Variants in BABAM2 observed in about 807,000 individuals in gnomAD.
BABAM2 encodes BRISC and BRCA1 A complex member 2.
A neutral mutation model predicts 54.7 loss-of-function variants in BABAM2; 31 were observed. The ratio of observed to expected loss-of-function variants is 0.57; its 90% CI spans 0.43 to 0.77. The LOEUF (loss-of-function observed/expected upper bound fraction) is 0.77, where lower values mean the gene tolerates loss of function less well. Ranked by LOEUF, BABAM2 falls within the 30% of genes least tolerant of loss-of-function variation. BABAM2 has a pLI of 0.00. For missense variants in BABAM2, 364 were observed against 455.8 expected (o/e 0.80, Z 1.83); for synonymous variants, 167 against 162.9 (o/e 1.03, Z -0.19).
intron 2 of BABAM2, among the ~76,000 whole-genome samples, chr2:27,917,052 T>C (rs1667026635): frequency 7.0e-6 from 1 of 143,356 alleles, no homozygotes; most frequent in Non-Finnish European, 1.5e-5. Context: ...AGAGGCTTGC[T>C]CTGTTGCCAG....
At chr2:28,035,269 G>C (rs778956600) in intron 5 of BABAM2, among the ~76,000 whole-genome samples, 1 of 152,052 alleles carries the variant, frequency 6.6e-6, no homozygotes, top group African/African-American at 2.4e-5. Flanking sequence ...GACAGCACTG[G>C]TCTAGCGTGA....
intron 7 of BABAM2, among the ~76,000 whole-genome samples, chr2:28,197,726 C>G (rs1043046518): frequency 6.6e-6 from 1 of 152,120 alleles, no homozygotes; most frequent in Non-Finnish European, 1.5e-5. Flanking sequence ...TCTGTTTCTC[C>G]CAGTATGTAT....
At chr2:28,081,406 G>C (rs1236996929) in intron 6 of BABAM2, among the ~76,000 whole-genome samples, 2 of 152,192 alleles carry the variant, frequency 1.3e-5, no homozygotes, top group Non-Finnish European at 2.9e-5. Context: ...GTAAGACCAG[G>C]CAAGGTCCAC....
chr2:28,221,836 G>A (rs758955011), intron 7 of BABAM2, among the ~76,000 whole-genome samples: 5 of 152,140 alleles, frequency 3.3e-5, no homozygotes, highest in Non-Finnish European at 5.9e-5. Flanking sequence ...GAGTTGGGTT[G>A]GTGTGTTTGT....
At chr2:28,256,594 G>A (rs1025987623) in intron 10 of BABAM2, among the ~76,000 whole-genome samples, 1 of 152,006 alleles carries the variant, frequency 6.6e-6, no homozygotes, top group Non-Finnish European at 1.5e-5. Flanking sequence ...CTGAGTACCT[G>A]GCCCAAGGTC....
At chr2:28,174,451 C>G (rs1218402820) in intron 7 of BABAM2, among the ~76,000 whole-genome samples, 2 of 152,220 alleles carry the variant, frequency 1.3e-5, no homozygotes, top group African/African-American at 4.8e-5. Flanking sequence ...GATAATCACA[C>G]TTTGAATAGA....
rs1290410601 is a variant in BABAM2 at position 27,903,825 on chromosome 2, T to C, written c.128+9141T>C. Among the ~76,000 whole-genome samples the C allele has an allele frequency of 5.9e-5, 9 of 152,376 alleles. No individual in the cohort carries two copies. In the East Asian group the frequency reaches 1.5e-3, roughly 26 times the overall value. ...CACAATTTCATGGATAGAAGATTTG[T>C]TCTTATGTTAGGTCTTAGCAACATC... On this transcript the variant is annotated intron_variant, in intron 2 of 11. Transcript: ENST00000379624.
At chr2:28,210,726 G>A (rs1318939167) in intron 7 of BABAM2, among the ~76,000 whole-genome samples, 1 of 152,202 alleles carries the variant, frequency 6.6e-6, no homozygotes, top group Non-Finnish European at 1.5e-5. Context: ...TCCTGGATTA[G>A]GTGTTCCATG....
chr2:28,079,830 C>T (rs556434368), intron 6 of BABAM2, among the ~76,000 whole-genome samples: 5 of 152,114 alleles, frequency 3.3e-5, no homozygotes, highest in African/African-American at 1.2e-4. Flanking sequence ...TTAGGGTTTA[C>T]GTTTTCACAT....
chr2:28,152,213 A>G (rs1672121129), intron 7 of BABAM2, among the ~76,000 whole-genome samples: 1 of 152,166 alleles, frequency 6.6e-6, no homozygotes, highest in South Asian at 2.1e-4. Context: ...ACAATTGAGA[A>G]TGAAGAGCCA....
intron 6 of BABAM2, among the ~76,000 whole-genome samples, chr2:28,046,682 A>G (rs1398673297): frequency 1.3e-5 from 2 of 152,148 alleles, no homozygotes; most frequent in Non-Finnish European, 2.9e-5. Context: ...CTAATCAATA[A>G]ATAATATTAG....
At chr2:28,169,980 A>C (rs1379940310) in intron 7 of BABAM2, among the ~76,000 whole-genome samples, 1 of 152,124 alleles carries the variant, frequency 6.6e-6, no homozygotes, top group Non-Finnish European at 1.5e-5. Flanking sequence ...CTTTCAAAAA[A>C]CATTTATTTG....
At chr2:28,134,042 C>A (rs1670319713) in intron 7 of BABAM2, among the ~76,000 whole-genome samples, 1 of 152,068 alleles carries the variant, frequency 6.6e-6, no homozygotes, top group Non-Finnish European at 1.5e-5. Context: ...AGAGTAAATG[C>A]TTCTGAGAAG....
chr2:27,977,029 A>G (rs1256542042), intron 3 of BABAM2, among the ~76,000 whole-genome samples: 1 of 152,184 alleles, frequency 6.6e-6, no homozygotes, highest in Non-Finnish European at 1.5e-5. Context: ...TCTCAGATGT[A>G]GTAATTCCTT....
At chr2:28,271,902 C>T (rs764247183) in intron 10 of BABAM2, among the ~76,000 whole-genome samples, 2 of 152,152 alleles carry the variant, frequency 1.3e-5, no homozygotes, top group African/African-American at 4.8e-5. Context: ...ATGATTACTC[C>T]GTCAGTTCTA....
At chr2:28,040,285 AACTGAATTCTTTTTTTTTTTTTTTT>A (rs1676965821) in intron 5 of BABAM2, among the ~76,000 whole-genome samples, 1 of 138,506 alleles carries the variant, frequency 7.2e-6, no homozygotes, top group South Asian at 2.5e-4. Flanking sequence ...CAGAATGAAA[AACTGAATTCTTTTTTTTTTTTTTTT>A]TTTTTTTTGA....
chr2:27,992,678 TAGA>T (rs987020172), intron 4 of BABAM2, among the ~76,000 whole-genome samples: 10 of 152,184 alleles, frequency 6.6e-5, no homozygotes, highest in African/African-American at 2.2e-4. Flanking sequence ...TAAAATAATC[TAGA>T]AGAAGTTAAG....
intron 6 of BABAM2, among the ~76,000 whole-genome samples, chr2:28,097,961 A>G (rs1002158315): frequency 6.6e-6 from 1 of 152,198 alleles, no homozygotes; most frequent in Non-Finnish European, 1.5e-5. Context: ...AACTAATACC[A>G]TATCTTCTTT....
At chr2:28,200,387 T>C (rs1301872562) in intron 7 of BABAM2, among the ~76,000 whole-genome samples, 1 of 152,222 alleles carries the variant, frequency 6.6e-6, no homozygotes, top group African/African-American at 2.4e-5. Flanking sequence ...GAATGAAATA[T>C]AATGTCATCT....
Sources: gnomAD v4.1 joint callset for allele counts (sites outside exome capture counted in the v4.1 genomes callset) on GRCh38, gnomAD v4.1.1 for gene constraint, MANE v1.5 for transcripts, NCBI Gene and HGNC (gene_info 2026-07-23, HGNC 2026-07-21) for gene names.